MICAL2: variants seen among roughly 807,000 people sequenced by gnomAD.
The protein encoded by MICAL2 is [F-actin]-monooxygenase MICAL2.
In MICAL2, 77 loss-of-function variants were observed where a neutral mutation model predicts 127.3. The ratio of observed to expected loss-of-function variants is 0.60; its 90% CI spans 0.50 to 0.73. MICAL2 has a LOEUF of 0.73. Among genes scored for constraint, MICAL2 ranks in the 30% least tolerant of loss-of-function variants. MICAL2 has a pLI of 0.00. For synonymous variants in MICAL2, 570 were observed against 551.1 expected (o/e 1.03, Z -0.48); for missense variants, 1,351 against 1,434.4 (o/e 0.94, Z 0.94).
intron 15 of MICAL2, among the ~76,000 whole-genome samples, chr11:12,234,926 A>C (rs1287010749): frequency 1.3e-5 from 2 of 152,210 alleles, no homozygotes; most frequent in African/African-American, 4.8e-5. Flanking sequence ...GGTGGCCTGC[A>C]GCACTTCCCC....
downstream of MICAL2, among the ~76,000 whole-genome samples, chr11:12,295,374 A>C (rs995400848): frequency 6.6e-6 from 1 of 151,140 alleles, no homozygotes; most frequent in South Asian, 2.1e-4. Flanking sequence ...TCCTGGCCTC[A>C]GGTGATCCAC....
intron 3 of MICAL2, among the ~76,000 whole-genome samples, chr11:12,194,732 A>G (rs1217651439): frequency 6.6e-6 from 1 of 152,158 alleles, no homozygotes; most frequent in Non-Finnish European, 1.5e-5. Context: ...CCCCTCGACT[A>G]GGAGCTCTGT....
chr11:12,289,500 C>A (rs1174506171), downstream of MICAL2, among the ~76,000 whole-genome samples: 2 of 150,248 alleles, frequency 1.3e-5, no homozygotes, highest in Non-Finnish European at 3.0e-5. Flanking sequence ...TAATGGAGTT[C>A]ATATTTTGCT....
intron 1 of MICAL2, among the ~76,000 whole-genome samples, chr11:12,135,667 G>T (rs1278765582): frequency 6.6e-6 from 1 of 152,188 alleles, no homozygotes; most frequent in Non-Finnish European, 1.5e-5. Flanking sequence ...GACAGAGCTG[G>T]GATAGGACCC....
chr11:12,351,546 C>T (rs1024586732), intron 33 of MICAL2, among the ~76,000 whole-genome samples: 1 of 152,154 alleles, frequency 6.6e-6, no homozygotes, highest in Non-Finnish European at 1.5e-5. Context: ...AGAACTATGG[C>T]AAGGCTTATT....
intron 29 of MICAL2, among the ~76,000 whole-genome samples, chr11:12,301,474 A>G (rs932426994): frequency 1.3e-5 from 2 of 152,158 alleles, no homozygotes; most frequent in African/African-American, 4.8e-5. Context: ...ATACGTACGT[A>G]TTTTTGGTGT....
At chr11:12,114,275 A>G (rs1376060158) in intron 1 of MICAL2, among the ~76,000 whole-genome samples, 1 of 152,212 alleles carries the variant, frequency 6.6e-6, no homozygotes, top group Non-Finnish European at 1.5e-5. Flanking sequence ...TCCAGTATAC[A>G]ACTCTTTTAA....
intron 2 of MICAL2, chr11:12,161,372 AGCACAGGCCCCCTTT>A (rs1288502104): frequency 1.3e-5 from 2 of 152,184 alleles, no homozygotes; most frequent in African/African-American, 4.8e-5. Context: ...GGAATTACAA[AGCACAGGCCCCCTTT>A]GCACAGGCGG....
intron 10 of MICAL2, 133 bp downstream of exon 10, chr11:12,221,892 G>A (rs1733467482): frequency 1.6e-6 from 1 of 621,842 alleles, no homozygotes; most frequent in Admixed American, 3.1e-5. Flanking sequence ...CCCATGTGTG[G>A]CCTGATTTGA....
rs143660537 is a variant in MICAL2, at chr11:12,239,365, G to C, written c.2065-71G>C. ...GCGGGAAGCTAGTCCCACGTCCTGA[G>C]TCCCCAAGTCTGCTTTCTGATATCC... is the stretch of plus-strand genomic sequence containing the variant. On this transcript the variant is annotated intron_variant, in intron 16 of 27. Coordinates refer to ENST00000683283, the MANE Select transcript of MICAL2 (RefSeq NM_001282663.2). 248 of 1,603,174 alleles carry C rather than the reference G, an allele frequency of 1.5e-4. 1 individual carries two copies. In the African/African-American group the frequency reaches 3.2e-3, roughly 20 times the overall value.
chr11:12,150,748 T>C (rs538404054), intron 2 of MICAL2, among the ~76,000 whole-genome samples: 1 of 152,224 alleles, frequency 6.6e-6, no homozygotes, highest in East Asian at 1.9e-4. Flanking sequence ...CCCTGGAGAG[T>C]GCCTTTAAGA....
At chr11:12,238,754 G>T (rs1859453304) in intron 16 of MICAL2, among the ~76,000 whole-genome samples, 1 of 152,208 alleles carries the variant, frequency 6.6e-6, no homozygotes, top group African/African-American at 2.4e-5. Flanking sequence ...CAATCTTGAT[G>T]ACAGGAGCAA....
chr11:12,273,326 A>G (rs1381347841), upstream of MICAL2, among the ~76,000 whole-genome samples: 1 of 152,228 alleles, frequency 6.6e-6, no homozygotes, highest in Non-Finnish European at 1.5e-5. Context: ...ACCCAATAAA[A>G]GTAAGCTGCT....
At chr11:12,277,070 C>T (rs1005693904) in intron 1 of MICAL2, among the ~76,000 whole-genome samples, 5 of 151,914 alleles carry the variant, frequency 3.3e-5, no homozygotes, top group East Asian at 3.9e-4. Flanking sequence ...AAAAGTAGAC[C>T]GGAGTAAGCC....
intron 21 of MICAL2, among the ~76,000 whole-genome samples, chr11:12,247,545 T>G (rs1240885546): frequency 6.6e-6 from 1 of 152,214 alleles, no homozygotes; most frequent in Non-Finnish European, 1.5e-5. Flanking sequence ...CGCAGGTTCA[T>G]GCAGGTCACA....
chr11:12,261,162 T>C (rs1565277343), intron 26 of MICAL2: 1 of 985,544 alleles, frequency 1.0e-6, no homozygotes, highest in Non-Finnish European at 1.2e-6. Flanking sequence ...CACATCAGGC[T>C]ATTGCTGGGA....
chr11:12,162,459 G>T, intron 3 of MICAL2, 40 bp downstream of exon 3: 2 of 1,606,896 alleles, frequency 1.2e-6, no homozygotes, highest in Non-Finnish European at 1.7e-6. Context: ...TGCAGGGCGT[G>T]TGGGTTGACA....
chr11:12,211,153 G>A (rs950876654), intron 6 of MICAL2, among the ~76,000 whole-genome samples: 2 of 152,202 alleles, frequency 1.3e-5, no homozygotes, highest in African/African-American at 4.8e-5. Flanking sequence ...GCTGAGGTGG[G>A]CGGATCACCT....
rs776071663 is a variant in MICAL2 at position 12,358,388 on chromosome 11, C to T, written c.5783C>T (p.Ser1928Phe). The stretch of plus-strand genomic sequence containing the variant: ...GAGCAAAGGGACAAACTCGTCGATT[C>T]CTTAGAGGAACAACGCATCAGAGAA... Residue 1928 changes from serine to phenylalanine, a missense_variant, in exon 35 of 35, where the codon TCC becomes TTC. Ser to Phe is a radical substitution (Grantham distance 155). Transcript: ENST00000646065. 12 of 1,614,108 alleles carry T rather than the reference C, an allele frequency of 7.4e-6. No individual in the cohort carries two copies. The Admixed American group carries it at 1.7e-4, about 22-fold the overall frequency.
Sources: gnomAD v4.1 joint callset for allele counts (sites outside exome capture counted in the v4.1 genomes callset) on GRCh38, gnomAD v4.1.1 for gene constraint, MANE v1.5 for transcripts, NCBI Gene and HGNC (gene_info 2026-07-23, HGNC 2026-07-21) for gene names.